The following TEX9 variants were observed in gnomAD, a reference collection of about 807,000 sequenced individuals.
TEX9 encodes the protein testis-expressed protein 9.
TEX9 carries 74 observed loss-of-function variants against 59.6 expected under a neutral mutation model. The observed-to-expected ratio is 1.24, with a 90% CI of 1.03 to 1.51. TEX9 has a LOEUF of 1.51. TEX9 is among the 40% of genes most tolerant of loss of function. TEX9 has a pLI of 0.00. For synonymous variants in TEX9, 186 were observed against 152.2 expected, an observed-to-expected ratio of 1.22 and a Z score of -1.64; for missense variants, 522 against 447.8, an observed-to-expected ratio of 1.17 and a Z score of -1.49.
At chr15:56,415,179 G>T (rs2049609651) in intron 10 of TEX9, among the ~76,000 whole-genome samples, 1 of 151,698 alleles carries the variant, frequency 6.6e-6, no homozygotes, top group Admixed American at 6.6e-5. Flanking sequence ...CTCCCATTCT[G>T]TAGGTGGTCT....
intron 1 of TEX9, among the ~76,000 whole-genome samples, chr15:56,340,338 CTATT>C (rs1463183578): frequency 1.3e-5 from 2 of 152,164 alleles, no homozygotes; most frequent in Admixed American, 6.5e-5. Flanking sequence ...GGCCAATACT[CTATT>C]TATTACCTGA....
At chr15:56,406,720 T>A (rs1214075488) in intron 9 of TEX9, among the ~76,000 whole-genome samples, 1 of 152,188 alleles carries the variant, frequency 6.6e-6, no homozygotes, top group Non-Finnish European at 1.5e-5. Context: ...TCTTTTCATG[T>A]GTTTCTTGGC....
chr15:56,339,383 CAAAAAAAAAAAAAAAAA>C (rs71456382), intron 1 of TEX9, among the ~76,000 whole-genome samples: 4 of 30,770 alleles, frequency 1.3e-4, no homozygotes, highest in African/African-American at 3.6e-4. Context: ...ACTCCTTCTC[CAAAAAAAAAAAAAAAAA>C]AAAAAAAAAA....
intron 1 of TEX9, among the ~76,000 whole-genome samples, chr15:56,349,195 G>T (rs528435551): frequency 6.6e-6 from 1 of 152,076 alleles, no homozygotes; most frequent in African/African-American, 2.4e-5. Flanking sequence ...AATTTGGATT[G>T]TATCTTAGAT....
In TEX9 at chr15:56,320,796, C is replaced by G. The variant is rs369705701; in HGVS notation, c.-106-52645C>G. ...CACCTTATATCCAGCATTGTCCTGG[C>G]AAACCTGGCCATATGGTCATACTGG... is the stretch of plus-strand genomic sequence containing the variant. On this transcript the variant is annotated intron_variant, in intron 1 of 5. Transcript: ENST00000560827. Among the ~76,000 whole-genome samples, 12 of 152,278 alleles carry G rather than the reference C, an allele frequency of 7.9e-5. No individual in the cohort carries two copies. The East Asian group carries it at 1.7e-3, about 22-fold the overall frequency.
chr15:56,295,505 G>A (rs2725839), intron 1 of TEX9, among the ~76,000 whole-genome samples: 4,780 of 152,208 alleles, frequency 0.031, 182 homozygotes, highest in East Asian at 0.095. Flanking sequence ...TGAGGACCAG[G>A]CTGCTTACTA....
intron 7 of TEX9, 106 bp from the exon 8 acceptor site, chr15:56,394,058 CT>C: frequency 1.0e-6 from 1 of 974,644 alleles, no homozygotes; most frequent in Non-Finnish European, 1.5e-6. Flanking sequence ...TCCTATTTGA[CT>C]CCCCATCTTG....
At chr15:56,418,185 T>G (rs2049793372) in intron 10 of TEX9, among the ~76,000 whole-genome samples, 1 of 151,806 alleles carries the variant, frequency 6.6e-6, no homozygotes, top group African/African-American at 2.4e-5. Context: ...ATATTCAAGG[T>G]TAGTATTAAT....
chr15:56,309,693 G>GTTTAT (rs1290352080), intron 1 of TEX9, among the ~76,000 whole-genome samples: 1 of 60,772 alleles, frequency 1.6e-5, no homozygotes, highest in African/African-American at 7.3e-5. Flanking sequence ...TTTATGGGAA[G>GTTTAT]TTTTTTTTTT....
At chr15:56,447,821 C>T (rs1236799314), downstream of TEX9, 2 of 152,206 alleles carry the variant, frequency 1.3e-5, no homozygotes, top group African/African-American at 2.4e-5. Flanking sequence ...CCTTTATGTT[C>T]GCACTTATCC....
intron 1 of TEX9, among the ~76,000 whole-genome samples, chr15:56,264,813 T>C (rs1322002203): frequency 6.6e-6 from 1 of 152,214 alleles, no homozygotes; most frequent in Non-Finnish European, 1.5e-5. Flanking sequence ...TTTGTTTTCT[T>C]TTTCCAACAG....
chr15:56,425,606 G>T (rs1950881457), intron 10 of TEX9, among the ~76,000 whole-genome samples: 1 of 151,914 alleles, frequency 6.6e-6, no homozygotes, highest in South Asian at 2.1e-4. Flanking sequence ...TTAATATATA[G>T]GTACCCTGAT....
chr15:56,394,536 A>T lies in TEX9; in HGVS notation c.655-125A>T, dbSNP rs556430827. On this transcript the variant is annotated intron_variant, in intron 8 of 12. Coordinates refer to ENST00000352903, the Ensembl canonical transcript of TEX9. ...CTTCCATTTTTGAAGATAAAAATAG[A>T]CTAATTTGTTTTTCATGAAACGTGT... The T allele has an allele frequency of 2.1e-5, 16 of 751,468 alleles. No homozygotes were observed. The Admixed American group carries it at 5.4e-4, about 25-fold the overall frequency. The allele number at this position is 751,468 out of a possible 1,614,324, so 46.6% of individuals were successfully genotyped here.
At chr15:56,410,468 T>C (rs1243849487) in intron 9 of TEX9, among the ~76,000 whole-genome samples, 1 of 152,094 alleles carries the variant, frequency 6.6e-6, no homozygotes, top group Non-Finnish European at 1.5e-5. Context: ...CTTAGGTTTT[T>C]TTTTTAAAAA....
chr15:56,320,113 T>A lies in TEX9; in HGVS notation c.-106-53328T>A, dbSNP rs2045870251. 5.3e-5 allele frequency among the ~76,000 whole-genome samples: 8 copies of A among 152,306 alleles called. 1 individual carries two copies. The South Asian group carries it at 1.7e-3, about 32-fold the overall frequency. ...CAGGTGCCCTCATAGGCATTTTTAT[T>A]GCAACATCTTTTAAACTCTCATTTT... On this transcript the variant is annotated intron_variant, in intron 1 of 5. Transcript: ENST00000560827.
chr15:56,322,734 C>A (rs1310922375), intron 1 of TEX9, among the ~76,000 whole-genome samples: 1 of 152,030 alleles, frequency 6.6e-6, no homozygotes, highest in Non-Finnish European at 1.5e-5. Flanking sequence ...AATCCAGAGT[C>A]AAAGTTTTGC....
At chr15:56,367,731 T>C (rs1347640944) in intron 2 of TEX9, among the ~76,000 whole-genome samples, 2 of 152,242 alleles carry the variant, frequency 1.3e-5, no homozygotes. Flanking sequence ...AATAGTGTTT[T>C]ATCATTTTAC....
chr15:56,261,473 T>G (rs754783512), intron 1 of TEX9, among the ~76,000 whole-genome samples: 10 of 152,224 alleles, frequency 6.6e-5, no homozygotes, highest in South Asian at 2.1e-4. Flanking sequence ...ATCCTAGCAC[T>G]TTGAGAGGTC....
At chr15:56,389,475 GCT>G (rs1402100816) in intron 6 of TEX9, 75 bp downstream of exon 6, 3 of 1,106,372 alleles carry the variant, frequency 2.7e-6, no homozygotes, top group African/African-American at 3.2e-5. Context: ...TAATTATTAA[GCT>G]CTGTTTGTTT....
Sources: gnomAD v4.1 joint callset for allele counts (sites outside exome capture counted in the v4.1 genomes callset) on GRCh38, gnomAD v4.1.1 for gene constraint, MANE v1.5 for transcripts, NCBI Gene and HGNC (gene_info 2026-07-23, HGNC 2026-07-21) for gene names.